The following PDP2 variants were observed in gnomAD, a reference collection of about 807,000 sequenced individuals.
The protein encoded by PDP2 is pyruvate dehydrogenase phosphatase catalytic subunit 2.
Under a neutral mutation model 34.2 loss-of-function variants are expected in PDP2, and 23 were observed. The observed-to-expected ratio is 0.67, with a 90% confidence interval of 0.48 to 0.95. The LOEUF is 0.95. PDP2 is among the 40% of genes least tolerant of loss of function. The probability of loss-of-function intolerance (pLI) is 0.00; values close to 1 mark genes in which losing one functional copy is unlikely to be tolerated. For missense variants in PDP2, 571 were observed against 659.6 expected, an observed-to-expected ratio of 0.87 and a Z score of 1.47; for synonymous variants, 275 against 269.2, an observed-to-expected ratio of 1.02 and a Z score of -0.21.
rs1351228674 is a variant in PDP2, at chr16:66,888,255, G to T, written c.*2381G>T. The T allele has an allele frequency of 6.6e-6, 1 of 151,930 alleles. No homozygotes were observed. The highest frequency in any genetic ancestry group is 6.6e-5 in the Admixed American group (1 of 15,224). 9.4% of individuals were successfully genotyped at this position (151,930 alleles called of 1,614,324 possible). A position where few individuals can be genotyped will look rare whatever the true frequency, so the allele number is the denominator to read the frequency against. ...TTTTTTAATTTTTTGTAGAGACAGG[G>T]TTTTGCCATGTTGCCCAGGCTGGTC... is the stretch of plus-strand genomic sequence containing the variant. On this transcript the variant is annotated 3_prime_UTR_variant, in exon 2 of 2. Transcript: ENST00000311765.
chr16:66,885,321 G>A lies in PDP2; in HGVS notation c.1037G>A (p.Arg346Lys). ...DRLLGVLIPC[R>K]AFGDVQLKWS... ...CTACTGGGCGTCCTCATCCCCTGCA[G>A]GGCCTTTGGGGATGTTCAGCTGAAG... Residue 346 changes from arginine to lysine, a missense_variant, in exon 2 of 2, where the codon AGG (arginine) becomes AAG (lysine). Physicochemically the swap from Arg to Lys is conservative, Grantham distance 26. Transcript: ENST00000311765. The surrounding 1 kb of genome is among the most constrained non-coding windows in gnomAD (Gnocchi z 4.6). 1 of 1,614,070 alleles carries A rather than the reference G, an allele frequency of 6.2e-7. No homozygotes were observed. The highest frequency in any genetic ancestry group is 2.2e-5 in the East Asian group (1 of 44,882).
chr16:66,888,002 CTTCCTTCCTT>C lies in PDP2; in HGVS notation c.*2129_*2138del, dbSNP rs2145422699. The C allele has an allele frequency of 1.2e-5, 1 of 82,890 alleles. No homozygotes were observed. The highest frequency in any genetic ancestry group is 1.4e-4 in the African/African-American group (1 of 7,190). The allele number at this position is 82,890 out of a possible 1,614,324, so 5.1% of individuals were successfully genotyped here. A position where few individuals can be genotyped will look rare whatever the true frequency, so the allele number is the denominator to read the frequency against. On this transcript the variant is annotated 3_prime_UTR_variant, in exon 2 of 2. Coordinates refer to ENST00000311765, the MANE Select transcript of PDP2 (RefSeq NM_020786.4). ...TTATCTCTTAGTCCGTCCTTCCTTC[CTTCCTTCCTT>C]CCTTCCTTCCTTCCTTCCTTCCTTC...
intron 1 of PDP2, among the ~76,000 whole-genome samples, chr16:66,881,824 G>A (rs1039356629): frequency 6.6e-6 from 1 of 152,046 alleles, no homozygotes; most frequent in African/African-American, 2.4e-5. Flanking sequence ...GGGACTACAG[G>A]CACTTACCAC....
chr16:66,882,508 T>C (rs778099398), intron 1 of PDP2, among the ~76,000 whole-genome samples: 4 of 148,254 alleles, frequency 2.7e-5, no homozygotes, highest in East Asian at 1.9e-4. Flanking sequence ...TACCTAATGA[T>C]GAAAATAATA....
intron 1 of PDP2, among the ~76,000 whole-genome samples, chr16:66,881,367 G>C (rs1371927099): frequency 6.6e-6 from 1 of 151,700 alleles, no homozygotes; most frequent in Non-Finnish European, 1.5e-5. Context: ...AGATCCCGAG[G>C]GCAGGATTCA....
chr16:66,885,197 C>G lies in PDP2; in HGVS notation c.913C>G (p.Leu305Val), dbSNP rs1197332006. 6.2e-7 allele frequency: 1 copy of G among 1,613,910 alleles called. No homozygotes were observed. The highest frequency in any genetic ancestry group is 2.2e-5 in the East Asian group (1 of 44,886). The change falls in exon 2 of 2, where the codon CTT (leucine) becomes GTT (valine). Residue 305 changes from leucine to valine, a missense_variant. Physicochemically the swap from Leu to Val is conservative, Grantham distance 32. This residue lies in a region of PDP2 where 281 missense variants were observed against 375.8 expected (regional missense o/e 0.75). Coordinates refer to ENST00000311765, the MANE Select transcript of PDP2 (RefSeq NM_020786.4). The surrounding 1 kb of genome is among the most constrained non-coding windows in gnomAD (Gnocchi z 4.6). ...EDNGMWSCLP[L>V]TRDHNAWNQA... The stretch of plus-strand genomic sequence containing the variant: ...CAATGGCATGTGGTCTTGTCTGCCC[C>G]TTACACGTGACCACAATGCCTGGAA...
chr16:66,882,379 T>A (rs1438734273), intron 1 of PDP2, among the ~76,000 whole-genome samples: 1 of 152,024 alleles, frequency 6.6e-6, no homozygotes, highest in East Asian at 1.9e-4. Context: ...AAGGCTGCAG[T>A]GAGCCACGAT....
Position 66,886,659 on chromosome 16 carries a change from G to A in PDP2, c.*785G>A, listed in dbSNP as rs1025633652. ...CCATGCTAGGAGGTAACTAGTCTAT[G>A]CCTTAACTCCTGACCTTTCCTGCAT... is the stretch of plus-strand genomic sequence containing the variant. On this transcript the variant is annotated 3_prime_UTR_variant, in exon 2 of 2. Transcript: ENST00000311765. The A allele has an allele frequency of 2.6e-6, 1 of 390,310 alleles. No individual in the cohort carries two copies. The highest frequency in any genetic ancestry group is 5.7e-6 in the Non-Finnish European group (1 of 176,636). The allele number at this position is 390,310 out of a possible 1,614,324, so 24.2% of individuals were successfully genotyped here.
At position 66,890,830 on chromosome 16, in the gene PDP2, G is replaced by T. The variant is rs1008312315; in HGVS notation, c.*4956G>T. The T allele has an allele frequency of 2.6e-5, 4 of 152,204 alleles. No homozygotes were observed. Among genetic ancestry groups the T allele is most frequent in the South Asian group, 2.1e-4 (1 of 4,838 alleles). 9.4% of individuals were successfully genotyped at this position (152,204 alleles called of 1,614,324 possible). ...AGTGAGCCAGCCTGTGATGAGAGCT[G>T]CCCCTGGCACTATCTGAGTGGAAAG... is the stretch of plus-strand genomic sequence containing the variant. On this transcript the variant is annotated 3_prime_UTR_variant, in exon 2 of 2. Coordinates refer to ENST00000311765, the MANE Select transcript of PDP2 (RefSeq NM_020786.4).
At position 66,885,631 on chromosome 16, in the gene PDP2, G is replaced by A. The variant is rs1961728682; in HGVS notation, c.1347G>A (p.Gly449=). 21 of 1,614,076 alleles carry A rather than the reference G, an allele frequency of 1.3e-5. No individual in the cohort carries two copies. Among genetic ancestry groups the A allele is most frequent in the East Asian group, 2.2e-5 (1 of 44,886 alleles). ...TGGCCCAGAGACCCGCCAACTTGGG[G>A]CTCATGCAGAGCCTGCTGCTGCAGA... ...TDLAQRPANL[G]LMQSLLLQRK... Residue 449 remains glycine, a synonymous_variant, in exon 2 of 2, where the codon GGG becomes GGA. Coordinates refer to ENST00000311765, the MANE Select transcript of PDP2 (RefSeq NM_020786.4). The surrounding 1 kb of genome is among the most constrained non-coding windows in gnomAD (Gnocchi z 4.6).
Position 66,888,847 on chromosome 16 carries a change from C to A in PDP2, c.*2973C>A, listed in dbSNP as rs1250039128. On this transcript the variant is annotated 3_prime_UTR_variant, in exon 2 of 2. Coordinates refer to ENST00000311765, the MANE Select transcript of PDP2 (RefSeq NM_020786.4). The stretch of plus-strand genomic sequence containing the variant: ...CAGCTGAGAGAACACAGACTCCTTA[C>A]CTGTATCTCCAGGCATATCTGGTTT... The A allele has an allele frequency of 6.6e-6, 1 of 152,240 alleles. No homozygotes were observed. The highest frequency in any genetic ancestry group is 1.5e-5 in the Non-Finnish European group (1 of 68,038). 9.4% of individuals were successfully genotyped at this position (152,240 alleles called of 1,614,324 possible). A position where few individuals can be genotyped will look rare whatever the true frequency, so the allele number is the denominator to read the frequency against.
At position 66,885,100 on chromosome 16, in the gene PDP2, C is replaced by T. The variant is rs773257714; in HGVS notation, c.816C>T (p.Ala272=). 8.7e-6 allele frequency: 14 copies of T among 1,613,994 alleles called. No homozygotes were observed. The highest frequency in any genetic ancestry group is 9.3e-6 in the Non-Finnish European group (11 of 1,180,044). The change falls in exon 2 of 2, where the codon GCC becomes GCT. Residue 272 remains alanine (A), a synonymous_variant. Coordinates refer to ENST00000311765, the MANE Select transcript of PDP2 (RefSeq NM_020786.4). This position sits in a 1 kb window ranked among gnomAD's most constrained non-coding sequence, Gnocchi z 4.6. ...VAFSGATACM[A]HVDGIHLHVA... is the part of the protein sequence containing the mutation. ...TCTCTGGGGCAACAGCTTGCATGGC[C>T]CATGTTGATGGAATTCACTTGCACG...
At chr16:66,883,296 C>G (rs1596942968) in intron 1 of PDP2, among the ~76,000 whole-genome samples, 1 of 152,104 alleles carries the variant, frequency 6.6e-6, no homozygotes, top group East Asian at 1.9e-4. Context: ...CTGCACCCAG[C>G]TAAATTTTTG....
chr16:66,885,846 C>A lies in PDP2; in HGVS notation c.1562C>A (p.Ser521Ter), dbSNP rs768788765. The change falls in exon 2 of 2, where the codon TCA becomes TAA. Residue 521 changes from serine (S) to a stop codon, truncating the protein, a stop_gained. Coordinates refer to ENST00000311765, the MANE Select transcript of PDP2 (RefSeq NM_020786.4). LOFTEE classifies it high-confidence loss of function. The surrounding 1 kb of genome is among the most constrained non-coding windows in gnomAD (Gnocchi z 4.6). ...ACTGTGGTGTATTTTAACTCAGAAT[C>A]AATCGGTGCATATTACAAGGGGGGT... ...TVTVVYFNSE[S>*]IGAYYKGG 1.9e-6 allele frequency: 3 copies of A among 1,609,368 alleles called. No individual in the cohort carries two copies. The highest frequency in any genetic ancestry group is 2.2e-5 in the South Asian group (2 of 90,888).
Position 66,888,594 on chromosome 16 carries a change from A to G in PDP2, c.*2720A>G, listed in dbSNP as rs901396986. The G allele has an allele frequency of 6.6e-6, 1 of 152,192 alleles. No individual in the cohort carries two copies. The highest frequency in any genetic ancestry group is 1.5e-5 in the Non-Finnish European group (1 of 68,044). 9.4% of individuals were successfully genotyped at this position (152,192 alleles called of 1,614,324 possible). Reference sequence around the variant, plus strand: ...TTTAGCCTCCCAAGTAGCTGGGTCTACAGGCATGAACCATCAGGCCCAGAT... The same window carrying G: ...TTTAGCCTCCCAAGTAGCTGGGTCTGCAGGCATGAACCATCAGGCCCAGAT... On this transcript the variant is annotated 3_prime_UTR_variant, in exon 2 of 2. Transcript: ENST00000311765.
chr16:66,881,418 G>T (rs76226969), intron 1 of PDP2, among the ~76,000 whole-genome samples: 89 of 134,906 alleles, frequency 6.6e-4, no homozygotes, highest in Admixed American at 2.8e-3. Context: ...GTTTTGTTCT[G>T]TTTTTTTTTT....
At position 66,889,622 on chromosome 16, in the gene PDP2, A is replaced by G. The variant is rs1220603790; in HGVS notation, c.*3748A>G. 1.3e-5 allele frequency: 2 copies of G among 152,116 alleles called. No homozygotes were observed. The highest frequency in any genetic ancestry group is 2.9e-5 in the Non-Finnish European group (2 of 68,030). 9.4% of individuals were successfully genotyped at this position (152,116 alleles called of 1,614,324 possible). ...AGATTTTTAAAAAATATATAACTGC[A>G]TCTCTCTTGATTCTGGGGCTTGGTA... On this transcript the variant is annotated 3_prime_UTR_variant, in exon 2 of 2. Coordinates refer to ENST00000311765, the MANE Select transcript of PDP2 (RefSeq NM_020786.4).
In PDP2 at chr16:66,885,238, C is replaced by T. The variant is rs1378262240; in HGVS notation, c.954C>T (p.Ser318=). Residue 318 remains serine, a synonymous_variant, in exon 2 of 2, where the codon TCC becomes TCT. Transcript: ENST00000311765. The surrounding 1 kb of genome is among the most constrained non-coding windows in gnomAD (Gnocchi z 4.6). The stretch of plus-strand genomic sequence containing the variant: ...ATGCCTGGAACCAGGCCGAGCTGTC[C>T]CGGCTAAAGAGGGAGCACCCTGAGT... ...DHNAWNQAEL[S]RLKREHPESE... 1 of 1,613,952 alleles carries T rather than the reference C, an allele frequency of 6.2e-7. No homozygotes were observed. Among genetic ancestry groups the T allele is most frequent in the East Asian group, 2.2e-5 (1 of 44,888 alleles).
intron 1 of PDP2, among the ~76,000 whole-genome samples, chr16:66,880,952 T>A (rs903183712): frequency 5.3e-5 from 8 of 152,130 alleles, no homozygotes; most frequent in African/African-American, 1.9e-4. Flanking sequence ...GAGCTCTGTG[T>A]CCCGACTGCA....
Sources: gnomAD v4.1 joint callset for allele counts (sites outside exome capture counted in the v4.1 genomes callset) on GRCh38, gnomAD v4.1.1 for gene constraint, gnomAD v4.1.1 regional missense constraint, Gnocchi (gnomAD v3.1) non-coding constraint, MANE v1.5 for transcripts, NCBI Gene and HGNC (gene_info 2026-07-23, HGNC 2026-07-21) for gene names.